SEPTIN9: variants seen among roughly 807,000 people sequenced by gnomAD.
SEPTIN9 encodes the protein septin 9.
A neutral mutation model predicts 56.6 loss-of-function variants in SEPTIN9; 13 were observed. That is an observed-to-expected ratio of 0.23 (90% CI 0.15 to 0.37). The LOEUF (loss-of-function observed/expected upper bound fraction) is 0.37. SEPTIN9 is among the 10% of genes least tolerant of loss of function. The probability of loss-of-function intolerance (pLI) is 1.00; values close to 1 mark genes in which losing one functional copy is unlikely to be tolerated. For synonymous variants in SEPTIN9, 332 were observed against 334.1 expected (o/e 0.99, Z 0.07); for missense variants, 650 against 823.1 (o/e 0.79, Z 2.57).
At chr17:77,438,078 C>T (rs2037413928) in intron 3 of SEPTIN9, among the ~76,000 whole-genome samples, 1 of 152,208 alleles carries the variant, frequency 6.6e-6, no homozygotes, top group Admixed American at 6.5e-5. Flanking sequence ...CTTGGATGGC[C>T]CTGCAGGGGG....
In SEPTIN9 at chr17:77,327,848, G is replaced by GCT. The variant is rs767089635; in HGVS notation, c.76+20654_76+20655dup. Among the ~76,000 whole-genome samples the GCT allele has an allele frequency of 7.9e-5, 12 of 152,206 alleles. No homozygotes were observed. Among genetic ancestry groups the GCT allele is most frequent in the Non-Finnish European group, 1.5e-4 (10 of 68,032 alleles). The stretch of plus-strand genomic sequence containing the variant: ...AACTTTGCCATGAAAGCTTGAAAAT[G>GCT]CTCTTTGGACCGATTTGCTGGAACA... On this transcript the variant is annotated intron_variant, in intron 2 of 11. Coordinates refer to ENST00000427177, the MANE Select transcript of SEPTIN9 (RefSeq NM_001113491.2). The surrounding 1 kb of genome is among the most constrained non-coding windows in gnomAD (Gnocchi z 5.0).
rs2036879252 is a variant in SEPTIN9, at chr17:77,425,662, C to G, written c.721+22959C>G. ...CCCTCCACTGCCTCTTTCTCTGTCT[C>G]TTGGGAAAGGTAGGGTCTTTGTGCC... is the stretch of plus-strand genomic sequence containing the variant. On this transcript the variant is annotated intron_variant, in intron 3 of 11. Coordinates refer to ENST00000427177, the MANE Select transcript of SEPTIN9 (RefSeq NM_001113491.2). The surrounding 1 kb of genome is among the most constrained non-coding windows in gnomAD (Gnocchi z 4.2). Among the ~76,000 whole-genome samples, 2 of 152,206 alleles carry G rather than the reference C, an allele frequency of 1.3e-5. No individual in the cohort carries two copies. Among genetic ancestry groups the G allele is most frequent in the South Asian group, 4.1e-4 (2 of 4,832 alleles).
At chr17:77,383,464 C>G (rs102090) in intron 2 of SEPTIN9, among the ~76,000 whole-genome samples, 15 of 152,070 alleles carry the variant, frequency 9.9e-5, no homozygotes, top group Admixed American at 2.6e-4. Context: ...GCACCTGCAT[C>G]CATCCATCAC....
At position 77,330,293 on chromosome 17, in the gene SEPTIN9, G is replaced by A. The variant is rs1399801574; in HGVS notation, c.76+23096G>A. Among the ~76,000 whole-genome samples the A allele has an allele frequency of 6.6e-6, 1 of 152,244 alleles. No homozygotes were observed. Among genetic ancestry groups the A allele is most frequent in the Non-Finnish European group, 1.5e-5 (1 of 68,040 alleles). Reference sequence around the variant, plus strand: ...CCCCACCTCACATTGTGGAGCTGGTGTAGGAAGGAAGGTGCCGGGAGCCAG... The same window carrying A: ...CCCCACCTCACATTGTGGAGCTGGTATAGGAAGGAAGGTGCCGGGAGCCAG... On this transcript the variant is annotated intron_variant, in intron 2 of 11. Coordinates refer to ENST00000427177, the MANE Select transcript of SEPTIN9 (RefSeq NM_001113491.2). This position sits in a 1 kb window ranked among gnomAD's most constrained non-coding sequence, Gnocchi z 4.4.
chr17:77,418,301 C>T (rs1055622738), intron 3 of SEPTIN9, among the ~76,000 whole-genome samples: 15 of 152,208 alleles, frequency 9.9e-5, no homozygotes, highest in African/African-American at 3.6e-4. Context: ...CCCAGCCCCA[C>T]GGCCTCCTTG....
intron 3 of SEPTIN9, among the ~76,000 whole-genome samples, chr17:77,418,069 A>T (rs1439004039): frequency 6.6e-6 from 1 of 151,970 alleles, no homozygotes; most frequent in Non-Finnish European, 1.5e-5. Flanking sequence ...ACACATCAGA[A>T]CCCACCGACT....
At chr17:77,392,940 C>T (rs1407214399) in intron 2 of SEPTIN9, among the ~76,000 whole-genome samples, 1 of 152,124 alleles carries the variant, frequency 6.6e-6, no homozygotes, top group Admixed American at 6.5e-5. Context: ...GACGGTTTTG[C>T]TTCCTGAGAA....
intron 2 of SEPTIN9, among the ~76,000 whole-genome samples, chr17:77,347,326 C>A (rs568985565): frequency 6.7e-6 from 1 of 149,606 alleles, no homozygotes; most frequent in African/African-American, 2.5e-5. Flanking sequence ...TGCAGTGAGC[C>A]GAGATTGCAC....
rs754927075 is a variant in SEPTIN9, at chr17:77,385,160, C to T, written c.77-16899C>T. Among the ~76,000 whole-genome samples the T allele has an allele frequency of 1.7e-3, 235 of 137,858 alleles. No individual in the cohort carries two copies. In the Middle Eastern group the frequency reaches 0.019, roughly 11 times the overall value. 90.4% of individuals were successfully genotyped at this position (137,858 alleles called of 152,430 possible). A position where few individuals can be genotyped will look rare whatever the true frequency, so the allele number is the denominator to read the frequency against. ...CAGCCTGGGCAACATAGGGAGACCC[C>T]CACCTTTTTTTTTTTTTTTTTTTGA... On this transcript the variant is annotated intron_variant, in intron 2 of 11. Transcript: ENST00000427177.
At chr17:77,292,881 CCCTTGGCCCCCTGG>C (rs1228782350) in intron 1 of SEPTIN9, among the ~76,000 whole-genome samples, 1 of 152,194 alleles carries the variant, frequency 6.6e-6, no homozygotes, top group Non-Finnish European at 1.5e-5. Context: ...TGTGATCTTC[CCCTTGGCCCCCTGG>C]CCCTGCCCTG....
intron 2 of SEPTIN9, among the ~76,000 whole-genome samples, chr17:77,324,434 C>T (rs1417805104): frequency 6.6e-6 from 1 of 152,158 alleles, no homozygotes; most frequent in African/African-American, 2.4e-5. Flanking sequence ...CCACTCGTTT[C>T]TGTGCTCCTG....
intron 2 of SEPTIN9, among the ~76,000 whole-genome samples, chr17:77,343,174 G>A (rs117020042): frequency 0.01 from 1,577 of 152,336 alleles, 16 homozygotes; most frequent in Middle Eastern, 0.02. Context: ...GGGGATAAGG[G>A]CTGGTTGCCA....
At chr17:77,448,037 G>A (rs1387941409) in intron 3 of SEPTIN9, among the ~76,000 whole-genome samples, 1 of 152,216 alleles carries the variant, frequency 6.6e-6, no homozygotes, top group African/African-American at 2.4e-5. Context: ...AGATGCCGCT[G>A]TGTGTTTCAC....
intron 1 of SEPTIN9, among the ~76,000 whole-genome samples, chr17:77,298,315 A>G (rs940512984): frequency 1.3e-5 from 2 of 152,236 alleles, no homozygotes; most frequent in African/African-American, 4.8e-5. Context: ...CACTAAGTTC[A>G]TAAGAGCCTG....
intron 2 of SEPTIN9, among the ~76,000 whole-genome samples, chr17:77,368,183 A>T (rs1182876765): frequency 6.6e-6 from 1 of 152,252 alleles, no homozygotes; most frequent in Non-Finnish European, 1.5e-5. Context: ...TTTAATGAGG[A>T]CAGAGTTTCA....
chr17:77,489,162 C>T (rs922211536), intron 7 of SEPTIN9, among the ~76,000 whole-genome samples: 1 of 152,190 alleles, frequency 6.6e-6, no homozygotes, highest in African/African-American at 2.4e-5. Flanking sequence ...CCTTCTCAGG[C>T]CAGGCTCTGG....
chr17:77,445,765 G>A lies in SEPTIN9; in HGVS notation c.722-36379G>A, dbSNP rs557920595. ...TGGGACCTTGCTGTGGGATAGGCTG[G>A]CCAATGGTGCTCCCTCCCCTGTGAC... On this transcript the variant is annotated intron_variant, in intron 3 of 11. Transcript: ENST00000427177. This position sits in a 1 kb window ranked among gnomAD's most constrained non-coding sequence, Gnocchi z 4.7. 8.3e-4 allele frequency: 218 copies of A among 263,344 alleles called. No homozygotes were observed. The highest frequency in any genetic ancestry group is 4.5e-3 in the African/African-American group (199 of 44,646). The allele number at this position is 263,344 out of a possible 1,614,324, so 16.3% of individuals were successfully genotyped here. A position where few individuals can be genotyped will look rare whatever the true frequency, so the allele number is the denominator to read the frequency against.
At chr17:77,491,495 G>A (rs1215462275) in intron 8 of SEPTIN9, among the ~76,000 whole-genome samples, 1 of 151,006 alleles carries the variant, frequency 6.6e-6, no homozygotes, top group Non-Finnish European at 1.5e-5. Context: ...ACCTCACCTC[G>A]CCCTGCCTGG....
rs1450012917 is a variant in SEPTIN9 at position 77,445,537 on chromosome 17, T to TGTGC, written c.722-36598_722-36595dup. 2 of 399,230 alleles carry TGTGC rather than the reference T, an allele frequency of 5.0e-6. No individual in the cohort carries two copies. Among genetic ancestry groups the TGTGC allele is most frequent in the South Asian group, 1.9e-5 (1 of 53,510 alleles). 24.7% of individuals were successfully genotyped at this position (399,230 alleles called of 1,614,324 possible). On this transcript the variant is annotated intron_variant, in intron 3 of 11. Transcript: ENST00000427177. The surrounding 1 kb of genome is among the most constrained non-coding windows in gnomAD (Gnocchi z 4.7). ...ATGTGTGCACGCACGTGTGTGTGTGTGTGCGTGCGTGCTGGGTGGGTAGGG... is the reference window on the plus strand; with the variant it reads ...ATGTGTGCACGCACGTGTGTGTGTGTGTGCGTGCGTGCGTGCTGGGTGGGTAGGG...
Sources: gnomAD v4.1 joint callset for allele counts (sites outside exome capture counted in the v4.1 genomes callset) on GRCh38, gnomAD v4.1.1 for gene constraint, Gnocchi (gnomAD v3.1) non-coding constraint, MANE v1.5 for transcripts, NCBI Gene and HGNC (gene_info 2026-07-23, HGNC 2026-07-21) for gene names.